Variants in ZNRF1 observed in about 807,000 individuals in gnomAD.
The protein encoded by ZNRF1 is zinc and ring finger 1.
In ZNRF1, 3 loss-of-function variants were observed where a neutral mutation model predicts 18.4. That is an observed-to-expected ratio of 0.16 (90% CI 0.07 to 0.42). ZNRF1 has a LOEUF of 0.42. ZNRF1 is among the 10% of genes least tolerant of loss of function. The pLI, the probability that ZNRF1 is intolerant of heterozygous loss-of-function variation, is 0.99. For missense variants in ZNRF1, 310 were observed against 329.8 expected (o/e 0.94, Z 0.47); for synonymous variants, 157 against 144.2 (o/e 1.09, Z -0.64).
intron 1 of ZNRF1, among the ~76,000 whole-genome samples, chr16:75,078,068 A>G (rs775310180): frequency 2.0e-5 from 3 of 152,106 alleles, no homozygotes; most frequent in Non-Finnish European, 4.4e-5. Context: ...CCTTTATACA[A>G]CTGGTTGCAC....
chr16:75,027,555 A>G (rs2035242395), intron 1 of ZNRF1, among the ~76,000 whole-genome samples: 5 of 151,858 alleles, frequency 3.3e-5, no homozygotes, highest in African/African-American at 9.7e-5. Context: ...CATTGAACCT[A>G]TTTTCTTCTC....
At chr16:75,002,575 G>C (rs559656735) in intron 1 of ZNRF1, among the ~76,000 whole-genome samples, 3 of 152,292 alleles carry the variant, frequency 2.0e-5, no homozygotes, top group African/African-American at 7.2e-5. Flanking sequence ...CTCAGAGAGC[G>C]TGGGCTTAGG....
intron 1 of ZNRF1, among the ~76,000 whole-genome samples, chr16:75,075,045 G>A (rs984983794): frequency 5.4e-5 from 8 of 148,468 alleles, no homozygotes; most frequent in Non-Finnish European, 1.0e-4. Flanking sequence ...CATAAGCCCA[G>A]GTCACCATGC....
In ZNRF1 at chr16:75,106,471, C is replaced by T. The variant is rs2036317406; in HGVS notation, c.627-11C>T. On this transcript the variant is annotated splice_polypyrimidine_tract_variant and intron_variant, in intron 3 of 4. Coordinates refer to ENST00000335325, the MANE Select transcript of ZNRF1 (RefSeq NM_032268.5). ...GGTAACGTGGTTTCCCTTGCGGCCC[C>T]CTCCTCCCAGCTGCATAGACTCGTG... The T allele has an allele frequency of 8.1e-6, 13 of 1,613,998 alleles. No individual in the cohort carries two copies. The highest frequency in any genetic ancestry group is 1.1e-5 in the Non-Finnish European group (13 of 1,180,010).
chr16:75,102,917 A>G (rs1368310403), intron 2 of ZNRF1, among the ~76,000 whole-genome samples: 2 of 152,198 alleles, frequency 1.3e-5, no homozygotes, highest in Non-Finnish European at 2.9e-5. Flanking sequence ...GGCCCCAGAC[A>G]CCACAGCAGA....
chr16:75,000,572 C>G (rs2034834245), intron 1 of ZNRF1, among the ~76,000 whole-genome samples: 1 of 152,216 alleles, frequency 6.6e-6, no homozygotes, highest in Non-Finnish European at 1.5e-5. Flanking sequence ...CTCACTCTTG[C>G]TGGGAGAGAG....
At chr16:75,067,759 A>G (rs2035823176) in intron 1 of ZNRF1, among the ~76,000 whole-genome samples, 1 of 152,214 alleles carries the variant, frequency 6.6e-6, no homozygotes, top group African/African-American at 2.4e-5. Context: ...ATTAAAATGG[A>G]GAAACATTAA....
chr16:75,008,573 A>G lies in ZNRF1; in HGVS notation c.424+8478A>G, dbSNP rs565880124. 1.1e-3 allele frequency among the ~76,000 whole-genome samples: 174 copies of G among 152,298 alleles called. 2 individuals carry two copies. Among genetic ancestry groups the G allele is most frequent in the African/African-American group, 3.8e-3 (159 of 41,564 alleles). On this transcript the variant is annotated intron_variant, in intron 1 of 4. Transcript: ENST00000335325. ...TTTTTCCTTTTCTCTGACTGACCCA[A>G]AAGTATAAGACTTTTTTTTCTTTGT...
chr16:75,028,976 C>G (rs1222128364), intron 1 of ZNRF1, among the ~76,000 whole-genome samples: 5 of 152,062 alleles, frequency 3.3e-5, no homozygotes, highest in Non-Finnish European at 7.4e-5. Context: ...AGTCCTTGAA[C>G]CAACTCTCTT....
At chr16:75,081,326 G>C (rs1187859507) in intron 1 of ZNRF1, among the ~76,000 whole-genome samples, 2 of 152,216 alleles carry the variant, frequency 1.3e-5, no homozygotes, top group African/African-American at 4.8e-5. Context: ...TGCATGGCTG[G>C]TCCTACTTGG....
At position 75,100,169 on chromosome 16, in the gene ZNRF1, G is replaced by A. The variant is rs139929407; in HGVS notation, c.521-4615G>A. Among the ~76,000 whole-genome samples, 23 of 152,312 alleles carry A rather than the reference G, an allele frequency of 1.5e-4. 2 individuals carry two copies. Among genetic ancestry groups the A allele is most frequent in the South Asian group, 1.2e-3 (6 of 4,830 alleles). On this transcript the variant is annotated intron_variant, in intron 2 of 4. Transcript: ENST00000335325. Reference sequence around the variant, plus strand: ...GTCCCAGTGAAATGTGCTCCCTGCCGTGTGCCAGCCTGGTTGGGGTGCCTG... The same window carrying A: ...GTCCCAGTGAAATGTGCTCCCTGCCATGTGCCAGCCTGGTTGGGGTGCCTG...
chr16:75,024,644 A>C (rs964854012), intron 1 of ZNRF1, among the ~76,000 whole-genome samples: 1 of 152,244 alleles, frequency 6.6e-6, no homozygotes, highest in Non-Finnish European at 1.5e-5. Context: ...TGCAGAAGGA[A>C]GAGGAAGAAG....
At chr16:75,100,841 G>A (rs921575315) in intron 2 of ZNRF1, among the ~76,000 whole-genome samples, 1 of 152,344 alleles carries the variant, frequency 6.6e-6, no homozygotes, top group East Asian at 1.9e-4. Context: ...TCTGCATGAC[G>A]ACTCTGCCCT....
intron 1 of ZNRF1, among the ~76,000 whole-genome samples, chr16:75,066,747 G>T (rs543249611): frequency 7.2e-5 from 11 of 152,010 alleles, no homozygotes; most frequent in Admixed American, 1.3e-4. Context: ...CAGGTGATCC[G>T]CCCACCTTGG....
At chr16:75,014,649 G>T (rs755825041) in intron 1 of ZNRF1, among the ~76,000 whole-genome samples, 29 of 151,978 alleles carry the variant, frequency 1.9e-4, no homozygotes, top group African/African-American at 6.8e-4. Context: ...GAAATAGTGG[G>T]GTTACAGGGT....
intron 1 of ZNRF1, among the ~76,000 whole-genome samples, chr16:75,052,283 C>G (rs139031711): frequency 6.6e-6 from 1 of 151,796 alleles, no homozygotes. Flanking sequence ...CACCTGTAGT[C>G]TCAGCTGCTT....
At position 75,000,093 on chromosome 16, in the gene ZNRF1, G is replaced by C. The variant is rs534193008; in HGVS notation, c.422G>C (p.Ser141Thr). The change falls in exon 1 of 5, where the codon AGT becomes ACT. Residue 141 changes from serine (S) to threonine (T), a missense_variant and splice_region_variant. Ser to Thr is a moderately conservative substitution (Grantham distance 58). Transcript: ENST00000335325. ...HIAPRWFSSH[S>T]GFKCPICSKS... ...GCACCCAGGTGGTTCAGCTCGCATA[G>C]TGGTGAGTCCGCGGGTGGTGGAGGC... 2 of 1,599,634 alleles carry C rather than the reference G, an allele frequency of 1.3e-6. No individual in the cohort carries two copies. Among genetic ancestry groups the C allele is most frequent in the East Asian group, 2.3e-5 (1 of 44,360 alleles).
intron 2 of ZNRF1, among the ~76,000 whole-genome samples, chr16:75,103,060 G>C (rs1870648308): frequency 6.6e-6 from 1 of 152,132 alleles, no homozygotes; most frequent in Admixed American, 6.5e-5. Flanking sequence ...TCAGCCCTGG[G>C]CCTGCGCGTG....
intron 1 of ZNRF1, among the ~76,000 whole-genome samples, chr16:75,001,904 G>A (rs1287331778): frequency 6.6e-6 from 1 of 152,168 alleles, no homozygotes; most frequent in Non-Finnish European, 1.5e-5. Context: ...ATCATGGTGA[G>A]GGTAGGGAGA....
Sources: allele counts gnomAD v4.1 joint callset (sites outside exome capture counted in the v4.1 genomes callset), GRCh38; gene constraint gnomAD v4.1.1; transcripts MANE v1.5; gene names NCBI Gene and HGNC (gene_info 2026-07-23, HGNC 2026-07-21).